ZNF343: variants seen among roughly 807,000 people sequenced by gnomAD.
The protein encoded by ZNF343 is zinc finger protein 343.
In ZNF343, 11 loss-of-function variants were observed where a neutral mutation model predicts 13.8. That is an observed-to-expected ratio of 0.80 (90% CI 0.50 to 1.32). The LOEUF is 1.32. ZNF343 is among the 40% of genes most tolerant of loss of function. ZNF343 has a pLI of 0.00. For synonymous variants in ZNF343, 248 were observed against 260.0 expected (o/e 0.95, Z 0.44); for missense variants, 658 against 714.2 (o/e 0.92, Z 0.90).
rs752567906 is a variant in ZNF343, at chr20:2,483,528, G to A, written c.1433C>T (p.Ser478Leu). 4 of 1,612,672 alleles carry A rather than the reference G, an allele frequency of 2.5e-6. No individual in the cohort carries two copies. In the South Asian group the frequency reaches 4.4e-5, roughly 18 times the overall value. The change falls in exon 6 of 6, where the codon TCA becomes TTA. Residue 478 changes from serine to leucine, a missense_variant. Transcript: ENST00000278772. The part of the protein sequence containing the change: ...GECGRGFSRK[S>L]LLLVHQRTHS... ...TGTCCTCTGGTGGACAAGGAGGAGT[G>A]ATTTCCGACTAAAGCCTCGGCCACA...
In ZNF343 at chr20:2,484,272, A is replaced by G; in HGVS notation, c.689T>C (p.Leu230Ser). Residue 230 changes from leucine (L) to serine (S), a missense_variant, in exon 6 of 6, where the codon TTG becomes TCG. Coordinates refer to ENST00000278772, the MANE Select transcript of ZNF343 (RefSeq NM_024325.6). ...AAATCTCAAGGTTTCTAATTCCTTC[A>G]AGCCTTTGTCTAGCTGCACAGGGTT... ...RPNPVQLDKG[L>S]KELETLRFGA... The G allele has an allele frequency of 6.2e-7, 1 of 1,614,206 alleles. No homozygotes were observed. The highest frequency in any genetic ancestry group is 8.5e-7 in the Non-Finnish European group (1 of 1,180,040).
In ZNF343 at chr20:2,483,554, C is replaced by G. The variant is rs1450811186; in HGVS notation, c.1407G>C (p.Glu469Asp). ...ATTTCCGACTAAAGCCTCGGCCACA[C>G]TCACCACACACATAAGGCTTCTCTC... Reference protein sequence around the residue: ...HSGEKPYVCGECGRGFSRKSL... With the variant: ...HSGEKPYVCGDCGRGFSRKSL... The change falls in exon 6 of 6, where the codon GAG (glutamate) becomes GAC (aspartate). Residue 469 changes from glutamate (E) to aspartate (D), a missense_variant. Coordinates refer to ENST00000278772, the MANE Select transcript of ZNF343 (RefSeq NM_024325.6). The G allele has an allele frequency of 3.1e-6, 5 of 1,612,722 alleles. No homozygotes were observed. In the South Asian group the frequency reaches 5.5e-5, roughly 18 times the overall value.
intron 5 of ZNF343, among the ~76,000 whole-genome samples, chr20:2,485,699 C>A (rs2085271363): frequency 6.6e-6 from 1 of 152,144 alleles, no homozygotes; most frequent in Non-Finnish European, 1.5e-5. Context: ...TGATTTGTGC[C>A]ATTTGATTTT....
intron 1 of ZNF343, among the ~76,000 whole-genome samples, chr20:2,523,659 A>G (rs906121986): frequency 8.2e-6 from 1 of 122,668 alleles, no homozygotes; most frequent in Non-Finnish European, 1.7e-5. Context: ...GCTAAACCCC[A>G]CTCCATAGCT....
At chr20:2,517,424 C>T (rs1473870519) in intron 1 of ZNF343, among the ~76,000 whole-genome samples, 1 of 151,378 alleles carries the variant, frequency 6.6e-6, no homozygotes, top group Non-Finnish European at 1.5e-5. Context: ...CACACATATA[C>T]ATATACCAGG....
At chr20:2,500,384 T>C (rs1396508735) in intron 2 of ZNF343, among the ~76,000 whole-genome samples, 1 of 152,226 alleles carries the variant, frequency 6.6e-6, no homozygotes, top group African/African-American at 2.4e-5. Context: ...TATTTCACAG[T>C]AGCTGACAAA....
At chr20:2,487,175 G>C (rs2085294476) in intron 5 of ZNF343, among the ~76,000 whole-genome samples, 1 of 152,138 alleles carries the variant, frequency 6.6e-6, no homozygotes, top group African/African-American at 2.4e-5. Context: ...AACACAGTTA[G>C]GTAAATTTGT....
chr20:2,494,049 G>A lies in ZNF343; in HGVS notation c.-149-5C>T. 1.6e-6 allele frequency: 1 copy of A among 638,640 alleles called. No individual in the cohort carries two copies. The highest frequency in any genetic ancestry group is 2.8e-6 in the Non-Finnish European group (1 of 362,316). The allele number at this position is 638,640 out of a possible 1,614,324, so 39.6% of individuals were successfully genotyped here. ...TTGTTTCCCTGCAGCCAGGACCTGTGGGATGAAGAAGCAATTTGCTATTGC... is the reference window on the plus strand; with the variant it reads ...TTGTTTCCCTGCAGCCAGGACCTGTAGGATGAAGAAGCAATTTGCTATTGC... On this transcript the variant is annotated splice_polypyrimidine_tract_variant and splice_region_variant and intron_variant, in intron 2 of 5. Coordinates refer to ENST00000278772, the MANE Select transcript of ZNF343 (RefSeq NM_024325.6).
In ZNF343 at chr20:2,484,233, C is replaced by T. The variant is rs767132154; in HGVS notation, c.728G>A (p.Cys243Tyr). The T allele has an allele frequency of 4.3e-6, 7 of 1,614,236 alleles. No homozygotes were observed. In the South Asian group the frequency reaches 7.7e-5, roughly 18 times the overall value. The part of the protein sequence containing the change: ...LETLRFGAIN[C>Y]REYEPDHNLE... The stretch of plus-strand genomic sequence containing the variant: ...GTTATGGTCCGGTTCATACTCTCTA[C>T]AGTTGATTGCTCCAAATCTCAAGGT... The change falls in exon 6 of 6, where the codon TGT (cysteine) becomes TAT (tyrosine). Residue 243 changes from cysteine to tyrosine, a missense_variant. Cys to Tyr is a radical substitution (Grantham distance 194). Transcript: ENST00000278772.
intron 1 of ZNF343, among the ~76,000 whole-genome samples, chr20:2,516,058 T>C (rs2085757832): frequency 6.6e-6 from 1 of 151,754 alleles, no homozygotes; most frequent in Non-Finnish European, 1.5e-5. Context: ...ATTGAGGTGA[T>C]GAAGTGAGAA....
At chr20:2,514,872 C>A (rs2085752495) in intron 1 of ZNF343, among the ~76,000 whole-genome samples, 1 of 151,760 alleles carries the variant, frequency 6.6e-6, no homozygotes, top group South Asian at 2.1e-4. Flanking sequence ...ACCCATAGTC[C>A]CAGCTACTCA....
intron 1 of ZNF343, among the ~76,000 whole-genome samples, chr20:2,514,386 C>T (rs964070337): frequency 6.6e-6 from 1 of 152,140 alleles, no homozygotes; most frequent in Non-Finnish European, 1.5e-5. Flanking sequence ...GAGCTTGAAT[C>T]GCCTGTGTTC....
chr20:2,484,666 GA>G lies in ZNF343; in HGVS notation c.305-11del, dbSNP rs1568473633. ...TCTGGCTTTGGTTCTGCTGAAGAATGAAAGTTTTCTGTTAGAGTAGCCATAA... is the reference window on the plus strand; with the variant it reads ...TCTGGCTTTGGTTCTGCTGAAGAATGAAGTTTTCTGTTAGAGTAGCCATAA... On this transcript the variant is annotated splice_polypyrimidine_tract_variant and intron_variant, in intron 5 of 5. Coordinates refer to ENST00000278772, the MANE Select transcript of ZNF343 (RefSeq NM_024325.6). The G allele has an allele frequency of 6.4e-7, 1 of 1,571,638 alleles. No individual in the cohort carries two copies. The highest frequency in any genetic ancestry group is 8.6e-7 in the Non-Finnish European group (1 of 1,159,562).
At chr20:2,489,525 T>C (rs2085333216) in intron 5 of ZNF343, among the ~76,000 whole-genome samples, 1 of 152,198 alleles carries the variant, frequency 6.6e-6, no homozygotes, top group South Asian at 2.1e-4. Flanking sequence ...TTCAAACAAG[T>C]GTTAAGAGCC....
intron 1 of ZNF343, among the ~76,000 whole-genome samples, chr20:2,517,053 G>A (rs2085762326): frequency 6.6e-6 from 1 of 152,194 alleles, no homozygotes; most frequent in Non-Finnish European, 1.5e-5. Flanking sequence ...TCAATCAGAT[G>A]TATATGAAAG....
chr20:2,516,247 C>T (rs1315249514), intron 1 of ZNF343, among the ~76,000 whole-genome samples: 2 of 152,028 alleles, frequency 1.3e-5, no homozygotes, highest in Non-Finnish European at 2.9e-5. Flanking sequence ...CCTGTAATCC[C>T]AACTACTCAG....
chr20:2,506,748 G>A (rs2085664554), intron 1 of ZNF343, among the ~76,000 whole-genome samples: 1 of 152,046 alleles, frequency 6.6e-6, no homozygotes, highest in African/African-American at 2.4e-5. Flanking sequence ...TGAACAATGA[G>A]AACACATGGA....
Position 2,493,866 on chromosome 20 carries a change from T to G in ZNF343, c.30A>C (p.Gly10=), listed in dbSNP as rs771218854. The part of the protein sequence containing the change: MMLPYPSAL[G]DQYWEEILLP... The stretch of plus-strand genomic sequence containing the variant: ...GCAAAATCTCTTCCCAGTATTGATC[T>G]CCCAGTGCTGAAGGATAAGGCAACA... Residue 10 remains glycine (G), a synonymous_variant, in exon 3 of 6, where the codon GGA becomes GGC. Transcript: ENST00000278772. 1.2e-6 allele frequency: 2 copies of G among 1,613,824 alleles called. No individual in the cohort carries two copies. The highest frequency in any genetic ancestry group is 1.7e-6 in the Non-Finnish European group (2 of 1,179,784).
At chr20:2,484,799 T>A in intron 5 of ZNF343, 143 bp from the exon 6 acceptor site, 1 of 702,002 alleles carries the variant, frequency 1.4e-6, no homozygotes, top group Non-Finnish European at 2.2e-6. Context: ...GAACAATGAT[T>A]CCTTTACATT....
Sources: allele counts gnomAD v4.1 joint callset (sites outside exome capture counted in the v4.1 genomes callset), GRCh38; gene constraint gnomAD v4.1.1; transcripts MANE v1.5; gene names NCBI Gene and HGNC (gene_info 2026-07-23, HGNC 2026-07-21).